Variants in ITGA9 observed in about 807,000 individuals in gnomAD.
The protein encoded by ITGA9 is integrin alpha-9.
In ITGA9, 56 loss-of-function variants were observed where a neutral mutation model predicts 127.8. That is an observed-to-expected ratio of 0.44 (90% CI 0.35 to 0.55). ITGA9 has a LOEUF of 0.55. ITGA9 is among the 20% of genes least tolerant of loss of function. ITGA9 has a pLI of 0.00. For missense variants in ITGA9, 1,196 were observed against 1,347.1 expected (o/e 0.89, Z 1.76); for synonymous variants, 508 against 514.5 (o/e 0.99, Z 0.17).
rs1244049033 is a variant in ITGA9 at position 37,629,243 on chromosome 3, T to A, written c.1746T>A (p.Ser582Arg). Reference sequence around the variant, plus strand: ...TGTTTGAAGCAGCCTACAGCCTCAGTGAGCATGTGACTGGAGAGGAGGAGA... The same window carrying A: ...TGTTTGAAGCAGCCTACAGCCTCAGAGAGCATGTGACTGGAGAGGAGGAGA... Reference protein sequence around the residue: ...PIVFEAAYSLSEHVTGEEERE... With the variant: ...PIVFEAAYSLREHVTGEEERE... The change falls in exon 16 of 28, where the codon AGT (serine) becomes AGA (arginine). Residue 582 changes from serine to arginine, a missense_variant. Transcript: ENST00000264741. This position sits in a 1 kb window ranked among gnomAD's most constrained non-coding sequence, Gnocchi z 4.5. The A allele has an allele frequency of 6.2e-7, 1 of 1,613,828 alleles. No homozygotes were observed. The highest frequency in any genetic ancestry group is 1.3e-5 in the African/African-American group (1 of 74,996).
chr3:37,517,719 T>C, intron 10 of ITGA9, 110 bp downstream of exon 10: 1 of 806,624 alleles, frequency 1.2e-6, no homozygotes, highest in Non-Finnish European at 2.1e-6. Flanking sequence ...TGCTCCTGGG[T>C]CTACTGATCC....
intron 25 of ITGA9, among the ~76,000 whole-genome samples, chr3:37,783,141 A>G (rs1696998162): frequency 6.6e-6 from 1 of 151,998 alleles, no homozygotes; most frequent in Non-Finnish European, 1.5e-5. Flanking sequence ...TCTGTCTCAA[A>G]AAAAAAAAAT....
At chr3:37,762,480 G>A (rs1315865308) in intron 23 of ITGA9, among the ~76,000 whole-genome samples, 1 of 152,222 alleles carries the variant, frequency 6.6e-6, no homozygotes, top group African/African-American at 2.4e-5. Context: ...GCATTGTTAT[G>A]TAGATGAAGC....
chr3:37,509,112 A>G (rs1030044318), intron 8 of ITGA9, among the ~76,000 whole-genome samples: 5 of 152,106 alleles, frequency 3.3e-5, no homozygotes, highest in African/African-American at 4.8e-5. Flanking sequence ...AGAAAATCCA[A>G]ACACAGGTTG....
chr3:37,705,299 C>T lies in ITGA9; in HGVS notation c.2067+21284C>T, dbSNP rs958343615. Among the ~76,000 whole-genome samples the T allele has an allele frequency of 3.3e-5, 5 of 152,180 alleles. No homozygotes were observed. The East Asian group carries it at 5.8e-4, about 18-fold the overall frequency. ...TTATAAAAGTACCATTTACACATTT[C>T]GTCACTGCTGACAGTCATTAGCTAG... is the stretch of plus-strand genomic sequence containing the variant. On this transcript the variant is annotated intron_variant, in intron 18 of 27. Transcript: ENST00000264741.
intron 26 of ITGA9, among the ~76,000 whole-genome samples, chr3:37,792,531 A>G (rs569648027): frequency 4.6e-5 from 7 of 152,224 alleles, no homozygotes; most frequent in South Asian, 2.1e-4. Context: ...TGGAGCCCCA[A>G]AAGGCTTGGC....
chr3:37,818,251 C>CTTTTTTT (rs1165189273), intron 27 of ITGA9: 1 of 57,022 alleles, frequency 1.8e-5, no homozygotes. Context: ...ACCATGAAAC[C>CTTTTTTT]TTTTTTTTTT....
At chr3:37,715,021 G>A (rs1701119808) in intron 18 of ITGA9, among the ~76,000 whole-genome samples, 1 of 152,192 alleles carries the variant, frequency 6.6e-6, no homozygotes, top group Non-Finnish European at 1.5e-5. Flanking sequence ...ATACTGGATT[G>A]AGGATGAGAA....
chr3:37,507,033 T>G (rs1411631575), intron 7 of ITGA9, among the ~76,000 whole-genome samples: 1 of 152,148 alleles, frequency 6.6e-6, no homozygotes, highest in Non-Finnish European at 1.5e-5. Flanking sequence ...TAAGGATAAT[T>G]TCTGTGGATC....
intron 23 of ITGA9, among the ~76,000 whole-genome samples, chr3:37,774,933 T>G (rs1036144083): frequency 3.6e-4 from 55 of 152,340 alleles, no homozygotes; most frequent in African/African-American, 1.3e-3. Flanking sequence ...GAGATAAATT[T>G]AGCAAATTTT....
At chr3:37,594,977 T>C (rs1032210330) in intron 15 of ITGA9, among the ~76,000 whole-genome samples, 1 of 152,194 alleles carries the variant, frequency 6.6e-6, no homozygotes, top group Admixed American at 6.5e-5. Context: ...AATTAAGTCT[T>C]GTTGAAGAGT....
At chr3:37,660,464 T>C (rs1700522568) in intron 17 of ITGA9, among the ~76,000 whole-genome samples, 1 of 152,212 alleles carries the variant, frequency 6.6e-6, no homozygotes, top group African/African-American at 2.4e-5. Context: ...AATCCATCTC[T>C]ATTGAATTGT....
chr3:37,748,988 T>A (rs2125537085), intron 22 of ITGA9: 1 of 486,720 alleles, frequency 2.1e-6, no homozygotes, highest in Non-Finnish European at 3.6e-6. Context: ...ACATAGCTTC[T>A]TGTATTAATT....
In ITGA9 at chr3:37,542,577, C is replaced by G; in HGVS notation, c.1681C>G (p.His561Asp). The G allele has an allele frequency of 6.2e-7, 1 of 1,614,134 alleles. No homozygotes were observed. Among genetic ancestry groups the G allele is most frequent in the Non-Finnish European group, 8.5e-7 (1 of 1,180,002 alleles). The stretch of plus-strand genomic sequence containing the variant: ...GGAGACGTGTCGTCACTATGTGGCC[C>G]ATGTGAAGGTCAGTCCTCTCCTCCT... ...MEETCRHYVAHVKRRVQDVIS... is the reference protein window; with the variant it reads ...MEETCRHYVADVKRRVQDVIS... Residue 561 changes from histidine to aspartate, a missense_variant, in exon 15 of 28, where the codon CAT becomes GAT. By Grantham distance (81) the His-to-Asp change is moderately conservative. Transcript: ENST00000264741.
chr3:37,695,586 G>T (rs191432062), intron 18 of ITGA9, among the ~76,000 whole-genome samples: 1 of 152,284 alleles, frequency 6.6e-6, no homozygotes, highest in Non-Finnish European at 1.5e-5. Context: ...GCTTGCCAGG[G>T]CTGTCATTTC....
At chr3:37,771,951 T>A (rs1213571926) in intron 23 of ITGA9, among the ~76,000 whole-genome samples, 2 of 152,106 alleles carry the variant, frequency 1.3e-5, no homozygotes, top group Non-Finnish European at 2.9e-5. Context: ...CCCAGCCCCA[T>A]CCTCAGCTTC....
At chr3:37,617,344 A>G (rs193088417) in intron 15 of ITGA9, among the ~76,000 whole-genome samples, 1 of 152,324 alleles carries the variant, frequency 6.6e-6, no homozygotes, top group African/African-American at 2.4e-5. Flanking sequence ...TGTTAGTCTG[A>G]TGGGCTTCCC....
intron 18 of ITGA9, among the ~76,000 whole-genome samples, chr3:37,685,881 C>T (rs1481731605): frequency 6.6e-6 from 1 of 152,230 alleles, no homozygotes; most frequent in African/African-American, 2.4e-5. Flanking sequence ...ATTTTATAAA[C>T]TCACTAGCCT....
At chr3:37,538,008 TTGTACCTACTCAC>T (rs1213794719) in intron 14 of ITGA9, among the ~76,000 whole-genome samples, 1 of 152,168 alleles carries the variant, frequency 6.6e-6, no homozygotes, top group East Asian at 1.9e-4. Context: ...TGGACGGTGC[TTGTACCTACTCAC>T]TGGCCAGGCT....
Sources: gnomAD v4.1 joint callset for allele counts (sites outside exome capture counted in the v4.1 genomes callset) on GRCh38, gnomAD v4.1.1 for gene constraint, Gnocchi (gnomAD v3.1) non-coding constraint, MANE v1.5 for transcripts, NCBI Gene and HGNC (gene_info 2026-07-23, HGNC 2026-07-21) for gene names.